Variants in UNC79 observed in about 807,000 individuals in gnomAD.
The protein encoded by UNC79 is unc-79 subunit of NALCN channel complex.
In UNC79, 37 loss-of-function variants were observed where a neutral mutation model predicts 283.1. The ratio of observed to expected loss-of-function variants is 0.13; its 90% CI spans 0.10 to 0.17. UNC79 has a LOEUF of 0.17. UNC79 is among the 10% of genes least tolerant of loss of function. The pLI is 1.00. For synonymous variants in UNC79, 1,107 were observed against 1,200.2 expected (o/e 0.92, Z 1.61); for missense variants, 2,272 against 3,211.1 (o/e 0.71, Z 7.07).
chr14:93,335,640 A>G (rs952856255), intron 1 of UNC79, among the ~76,000 whole-genome samples: 1 of 152,158 alleles, frequency 6.6e-6, no homozygotes, highest in African/African-American at 2.4e-5. Context: ...TTCTTACTCT[A>G]TTTCTCCGGG....
At chr14:93,440,442 A>G (rs2056254961) in intron 1 of UNC79, among the ~76,000 whole-genome samples, 1 of 149,326 alleles carries the variant, frequency 6.7e-6, no homozygotes, top group African/African-American at 2.5e-5. Flanking sequence ...AATTAATTTC[A>G]GTTTTTATTA....
intron 42 of UNC79, among the ~76,000 whole-genome samples, chr14:93,684,209 C>T (rs2074069405): frequency 6.6e-6 from 1 of 152,110 alleles, no homozygotes; most frequent in South Asian, 2.1e-4. Flanking sequence ...ATTTTTCCCT[C>T]CCCAGCAGAT....
chr14:93,571,774 A>C (rs1477056845), intron 14 of UNC79, 120 bp from the exon 15 acceptor site: 3 of 993,570 alleles, frequency 3.0e-6, no homozygotes, highest in Non-Finnish European at 1.4e-6. Context: ...TTCTTGGCCT[A>C]GGACTCAGAC....
chr14:93,336,749 CATT>C (rs1415554289), intron 1 of UNC79, among the ~76,000 whole-genome samples: 4 of 152,168 alleles, frequency 2.6e-5, no homozygotes, highest in Non-Finnish European at 4.4e-5. Context: ...TCACAGAAAA[CATT>C]AATCATGAAG....
intron 23 of UNC79, among the ~76,000 whole-genome samples, chr14:93,596,399 C>T (rs761484350): frequency 1.3e-5 from 2 of 152,166 alleles, no homozygotes; most frequent in Non-Finnish European, 2.9e-5. Context: ...CTTTGGGAGG[C>T]CAAAGCAGGC....
chr14:93,333,278 A>G (rs2053496468), exon 1 of UNC79: 1 of 336,068 alleles, frequency 3.0e-6, no homozygotes, highest in African/African-American at 2.3e-5. Context: ...CTCTTGTGGC[A>G]GCATCCTGCT....
At chr14:93,646,628 T>A (rs776615660) in exon 35 of UNC79, 2 of 1,613,914 alleles carry the variant, frequency 1.2e-6, no homozygotes, top group Non-Finnish European at 1.7e-6. Flanking sequence ...AGTACTACCT[T>A]TTCTAATCAA....
At chr14:93,341,382 G>A (rs972869959) in intron 1 of UNC79, among the ~76,000 whole-genome samples, 1 of 152,008 alleles carries the variant, frequency 6.6e-6, no homozygotes, top group Non-Finnish European at 1.5e-5. Context: ...GCTTGAACTT[G>A]GGAGGCAGAG....
At position 93,690,097 on chromosome 14, in the gene UNC79, C is replaced by T. The variant is rs1398098331; in HGVS notation, c.7086-20C>T. On this transcript the variant is annotated intron_variant, in intron 44 of 48. Transcript: ENST00000555664. This position sits in a 1 kb window ranked among gnomAD's most constrained non-coding sequence, Gnocchi z 4.3. ...ACACAAAACATAAAATCATCTTTAA[C>T]ACTCCTTCTTCTCTAATAGACCTAA... 4 of 1,610,932 alleles carry T rather than the reference C, an allele frequency of 2.5e-6. No homozygotes were observed. Among genetic ancestry groups the T allele is most frequent in the Non-Finnish European group, 3.4e-6 (4 of 1,177,976 alleles).
chr14:93,600,792 C>T (rs749298291), intron 25 of UNC79, 22 bp downstream of exon 25: 6 of 1,606,964 alleles, frequency 3.7e-6, no homozygotes, highest in Non-Finnish European at 5.1e-6. Flanking sequence ...GAAGAACTTG[C>T]TGTAAACCGT....
At chr14:93,529,399 T>C in intron 10 of UNC79, 73 bp downstream of exon 10, 2 of 1,520,706 alleles carry the variant, frequency 1.3e-6, no homozygotes, top group Non-Finnish European at 1.8e-6. Flanking sequence ...TCTCCTTTTG[T>C]ACTATTTTAT....
At chr14:93,401,930 C>T (rs2140029498) in intron 1 of UNC79, among the ~76,000 whole-genome samples, 1 of 152,212 alleles carries the variant, frequency 6.6e-6, no homozygotes, top group African/African-American at 2.4e-5. Flanking sequence ...GAACAAAAGC[C>T]TCTCACACAG....
intron 1 of UNC79, among the ~76,000 whole-genome samples, chr14:93,411,535 GA>G (rs2055336111): frequency 2.6e-5 from 4 of 152,240 alleles, no homozygotes; most frequent in Admixed American, 2.6e-4. Flanking sequence ...TGGTAGTGGT[GA>G]CCACAGTGGG....
chr14:93,486,319 C>T (rs573580710), intron 4 of UNC79, among the ~76,000 whole-genome samples: 24 of 152,254 alleles, frequency 1.6e-4, no homozygotes, highest in African/African-American at 5.8e-4. Context: ...AATAAAGTTT[C>T]TCCTGTGGTG....
chr14:93,685,567 A>G, intron 42 of UNC79, among the ~76,000 whole-genome samples: 1 of 152,216 alleles, frequency 6.6e-6, no homozygotes, highest in Non-Finnish European at 1.5e-5. Context: ...AAGAGAGAGA[A>G]GGTGATATAG....
At chr14:93,334,494 A>T (rs1740480618) in intron 1 of UNC79, 1 of 152,268 alleles carries the variant, frequency 6.6e-6, no homozygotes, top group Admixed American at 6.5e-5. Flanking sequence ...TAAAAGAAAT[A>T]GGTCCATCTA....
intron 1 of UNC79, among the ~76,000 whole-genome samples, chr14:93,404,481 C>A (rs1305996976): frequency 6.3e-5 from 1 of 15,830 alleles, no homozygotes. Context: ...CAGAGTGAGA[C>A]CTTCTAAAAA....
intron 23 of UNC79, among the ~76,000 whole-genome samples, chr14:93,596,748 T>G (rs1357668472): frequency 6.6e-6 from 1 of 152,252 alleles, no homozygotes; most frequent in African/African-American, 2.4e-5. Context: ...TGCTAGCTGT[T>G]GTAACTTTTT....
At chr14:93,582,487 G>T (rs1295578327) in intron 20 of UNC79, 143 bp downstream of exon 20, 7 of 1,244,428 alleles carry the variant, frequency 5.6e-6, no homozygotes, top group Non-Finnish European at 5.4e-6. Flanking sequence ...ACATCTCCCA[G>T]CGGATTATAA....
Sources: gnomAD v4.1 joint callset for allele counts (sites outside exome capture counted in the v4.1 genomes callset) on GRCh38, gnomAD v4.1.1 for gene constraint, Gnocchi (gnomAD v3.1) non-coding constraint, MANE v1.5 for transcripts, NCBI Gene and HGNC (gene_info 2026-07-23, HGNC 2026-07-21) for gene names.